Variants in ZNF527 observed in about 807,000 individuals in gnomAD.
The protein encoded by ZNF527 is zinc finger protein 527.
Under a neutral mutation model 13.5 loss-of-function variants are expected in ZNF527, and 5 were observed. The observed-to-expected ratio is 0.37, with a 90% confidence interval of 0.19 to 0.78. The LOEUF is 0.78. Ranked by LOEUF, ZNF527 falls within the 30% of genes least tolerant of loss-of-function variation. The pLI is 0.48. For missense variants in ZNF527, 628 were observed against 726.4 expected (o/e 0.86, Z 1.56); for synonymous variants, 209 against 243.1 (o/e 0.86, Z 1.30).
chr19:37,379,487 A>C (rs2040635209), intron 3 of ZNF527: 2 of 229,164 alleles, frequency 8.7e-6, no homozygotes, highest in Non-Finnish European at 1.5e-5. Context: ...TTTGAGACAG[A>C]GTCTTGCTCT....
intron 4 of ZNF527, chr19:37,385,440 C>G: frequency 2.5e-6 from 1 of 398,430 alleles, no homozygotes. Context: ...GGGAATTTTA[C>G]AAGTCAACCC....
rs2040727056 is a variant in ZNF527 at position 37,389,043 on chromosome 19, T to A, written c.994T>A (p.Cys332Ser). 1 of 1,614,102 alleles carries A rather than the reference T, an allele frequency of 6.2e-7. No individual in the cohort carries two copies. The highest frequency in any genetic ancestry group is 8.5e-7 in the Non-Finnish European group (1 of 1,180,038). The stretch of plus-strand genomic sequence containing the variant: ...TCATATTGGGGAGAAACCTTATGAA[T>A]GTAAGGAATGTAACAAAGCTTTCAG... ...RTHIGEKPYE[C>S]KECNKAFRQS... Residue 332 changes from cysteine to serine, a missense_variant, in exon 5 of 5, where the codon TGT becomes AGT. Cys to Ser is a moderately radical substitution (Grantham distance 112, BLOSUM62 -1). Transcript: ENST00000436120.
intron 4 of ZNF527, among the ~76,000 whole-genome samples, chr19:37,383,443 C>T (rs957110703): frequency 2.6e-5 from 4 of 152,014 alleles, no homozygotes; most frequent in African/African-American, 9.7e-5. Context: ...GCCATGTTGG[C>T]CAGGTTGATC....
rs1214609455 is a variant in ZNF527, at chr19:37,379,313, A to AAT, written c.160+70_160+71dup. ...GGGTGTTTTTGCTTCCTCTGTTGAG[A>AAT]ATATCTAGGACATCTTAAGACATCT... On this transcript the variant is annotated intron_variant, in intron 3 of 4. Transcript: ENST00000436120. 3 of 1,500,916 alleles carry AAT rather than the reference A, an allele frequency of 2.0e-6. No individual in the cohort carries two copies. The African/African-American group carries it at 4.2e-5, about 21-fold the overall frequency. 93.0% of individuals were successfully genotyped at this position (1,500,916 alleles called of 1,614,324 possible). A position where few individuals can be genotyped will look rare whatever the true frequency, so the allele number is the denominator to read the frequency against.
rs1403634904 is a variant in ZNF527 at position 37,388,481 on chromosome 19, G to A, written c.432G>A (p.Glu144=). ...GEFELHQGNA[E]RHFMQVTAVK... is the part of the protein sequence containing the mutation. The stretch of plus-strand genomic sequence containing the variant: ...TTGAGCTACATCAGGGAAATGCGGA[G>A]AGGCATTTCATGCAAGTGACAGCTG... The change falls in exon 5 of 5, where the codon GAG becomes GAA. Residue 144 remains glutamate (E), a synonymous_variant. Transcript: ENST00000436120. 1.2e-6 allele frequency: 2 copies of A among 1,614,118 alleles called. No individual in the cohort carries two copies. Among genetic ancestry groups the A allele is most frequent in the South Asian group, 2.2e-5 (2 of 91,078 alleles).
rs1173295472 is a variant in ZNF527, at chr19:37,389,480, G to C, written c.1431G>C (p.Lys477Asn). 2.5e-6 allele frequency: 4 copies of C among 1,613,858 alleles called. No homozygotes were observed. Among genetic ancestry groups the C allele is most frequent in the Non-Finnish European group, 3.4e-6 (4 of 1,180,010 alleles). Residue 477 changes from lysine to asparagine, a missense_variant, in exon 5 of 5, where the codon AAG (lysine) becomes AAC (asparagine). Coordinates refer to ENST00000436120, the MANE Select transcript of ZNF527 (RefSeq NM_032453.2). ...EKPYECIKCG[K>N]FFRTDSQLNR... ...CCTATGAATGCATCAAATGTGGGAA[G>C]TTTTTTAGGACTGACTCACAACTTA...
rs755957888 is a variant in ZNF527 at position 37,374,186 on chromosome 19, TGAA to T, written c.-8_-6del. ...TTTGTTCTTCTTCAGAAGAGAAAAC[TGAA>T]GAAGGAGGAATGGCTGTGGGGCTTT... On this transcript the variant is annotated 5_prime_UTR_variant, in exon 2 of 5. Coordinates refer to ENST00000436120, the MANE Select transcript of ZNF527 (RefSeq NM_032453.2). 16 of 1,613,802 alleles carry T rather than the reference TGAA, an allele frequency of 9.9e-6. No individual in the cohort carries two copies. The highest frequency in any genetic ancestry group is 2.2e-5 in the South Asian group (2 of 91,074).
chr19:37,389,279 A>G lies in ZNF527; in HGVS notation c.1230A>G (p.Gly410=), dbSNP rs2040729933. The change falls in exon 5 of 5, where the codon GGA becomes GGG. Residue 410 remains glycine (G), a synonymous_variant. Coordinates refer to ENST00000436120, the MANE Select transcript of ZNF527 (RefSeq NM_032453.2). ...ATCAACATCAGAGGATTCACACTGGAGAGAAACCCTATGAATGTAATCAGT... is the reference window on the plus strand; with the variant it reads ...ATCAACATCAGAGGATTCACACTGGGGAGAAACCCTATGAATGTAATCAGT... ...HLNQHQRIHT[G]EKPYECNQCG... The G allele has an allele frequency of 3.7e-6, 6 of 1,614,096 alleles. No individual in the cohort carries two copies. Among genetic ancestry groups the G allele is most frequent in the Admixed American group, 1.7e-5 (1 of 60,016 alleles).
At position 37,389,148 on chromosome 19, in the gene ZNF527, T is replaced by C. The variant is rs1297129120; in HGVS notation, c.1099T>C (p.Phe367Leu). The change falls in exon 5 of 5, where the codon TTT becomes CTT. Residue 367 changes from phenylalanine to leucine, a missense_variant. Phe to Leu is a conservative substitution (Grantham distance 22). Around this residue, in one of 3 missense-constraint regions of ZNF527, gnomAD observed 592 missense variants for 678.0 expected, o/e 0.87. Transcript: ENST00000436120. ...TGCGTGCAATGAATGTGGGAAGGCC[T>C]TTAGCCGTTATGCCTTCCTTGTTGA... ...PFACNECGKA[F>L]SRYAFLVEHQ... is the part of the protein sequence containing the mutation. 6.2e-7 allele frequency: 1 copy of C among 1,614,080 alleles called. No individual in the cohort carries two copies. Among genetic ancestry groups the C allele is most frequent in the Non-Finnish European group, 8.5e-7 (1 of 1,180,042 alleles).
intron 4 of ZNF527, among the ~76,000 whole-genome samples, chr19:37,381,263 C>T (rs549873700): frequency 1.3e-5 from 2 of 152,202 alleles, no homozygotes; most frequent in Admixed American, 6.5e-5. Context: ...ATCCAGTTCC[C>T]GACTTACCAT....
chr19:37,385,542 T>G (rs965373798), intron 4 of ZNF527: 1 of 391,530 alleles, frequency 2.6e-6, no homozygotes, highest in East Asian at 3.6e-5. Flanking sequence ...GTTCTTTTTT[T>G]GTTCATAATT....
rs1370323176 is a variant in ZNF527, at chr19:37,388,963, A to G, written c.914A>G (p.Asn305Ser). 2 of 1,605,932 alleles carry G rather than the reference A, an allele frequency of 1.2e-6. No homozygotes were observed. Among genetic ancestry groups the G allele is most frequent in the Non-Finnish European group, 1.7e-6 (2 of 1,173,280 alleles). ...IHSGEKPYAC[N>S]DCGKAFSHDF... Reference sequence around the variant, plus strand: ...AGTGGAGAAAAACCATATGCATGCAATGACTGTGGAAAAGCCTTTAGCCAC... The same window carrying G: ...AGTGGAGAAAAACCATATGCATGCAGTGACTGTGGAAAAGCCTTTAGCCAC... Residue 305 changes from asparagine (N) to serine (S), a missense_variant, in exon 5 of 5, where the codon AAT (asparagine) becomes AGT (serine). Physicochemically the swap from Asn to Ser is conservative, Grantham distance 46 (BLOSUM62 1). This residue lies in a region of ZNF527 where 592 missense variants were observed against 678.0 expected (regional missense o/e 0.87). Transcript: ENST00000436120.
At chr19:37,387,544 G>C (rs191954855) in intron 4 of ZNF527, among the ~76,000 whole-genome samples, 1 of 152,224 alleles carries the variant, frequency 6.6e-6, no homozygotes, top group Non-Finnish European at 1.5e-5. Flanking sequence ...TGAATATATT[G>C]GCTGATTATT....
intron 3 of ZNF527, chr19:37,380,014 G>A (rs780891298): frequency 6.6e-5 from 24 of 360,990 alleles, no homozygotes; most frequent in African/African-American, 1.9e-4. Context: ...TCTGGGTTGC[G>A]GCCTGAGAAT....
Position 37,389,370 on chromosome 19 carries a change from C to A in ZNF527, c.1321C>A (p.Pro441Thr). 1 of 1,614,142 alleles carries A rather than the reference C, an allele frequency of 6.2e-7. No individual in the cohort carries two copies. Among genetic ancestry groups the A allele is most frequent in the African/African-American group, 1.3e-5 (1 of 75,028 alleles). ...TCAAAGAATTCACACAGGAGAGAAACCCTTCAAATGTAGTGAATGTGGGAA... is the reference window on the plus strand; with the variant it reads ...TCAAAGAATTCACACAGGAGAGAAAACCTTCAAATGTAGTGAATGTGGGAA... ...LHQRIHTGEK[P>T]FKCSECGKTF... The change falls in exon 5 of 5, where the codon CCC becomes ACC. Residue 441 changes from proline (P) to threonine (T), a missense_variant. Pro to Thr is a conservative substitution (Grantham distance 38). This residue lies in a region of ZNF527 where 592 missense variants were observed against 678.0 expected (regional missense o/e 0.87). Coordinates refer to ENST00000436120, the MANE Select transcript of ZNF527 (RefSeq NM_032453.2).
At chr19:37,383,327 C>T (rs1278249429) in intron 4 of ZNF527, among the ~76,000 whole-genome samples, 2 of 151,994 alleles carry the variant, frequency 1.3e-5, no homozygotes, top group Non-Finnish European at 2.9e-5. Context: ...CCTCTGCCTT[C>T]CAGGTACAAG....
At chr19:37,374,760 A>G (rs1205009654) in intron 2 of ZNF527, among the ~76,000 whole-genome samples, 1 of 152,222 alleles carries the variant, frequency 6.6e-6, no homozygotes. Flanking sequence ...GGCCCTTTCA[A>G]GTCATGATCT....
rs1276672656 is a variant in ZNF527 at position 37,389,480 on chromosome 19, GT to G, written c.1437del (p.Phe479LeufsTer33). 2 of 1,613,978 alleles carry G rather than the reference GT, an allele frequency of 1.2e-6. No homozygotes were observed. Among genetic ancestry groups the G allele is most frequent in the East Asian group, 4.5e-5 (2 of 44,840 alleles). On this transcript the variant is annotated frameshift_variant, in exon 5 of 5. Transcript: ENST00000436120. LOFTEE classifies it low-confidence loss of function (END_TRUNC). Reference protein sequence around the residue: ...KPYECIKCGKFFRTDSQLNRH... With the variant: ...KPYECIKCGKXFRTDSQLNRH... ...CCTATGAATGCATCAAATGTGGGAA[GT>G]TTTTTAGGACTGACTCACAACTTAA...
intron 4 of ZNF527, among the ~76,000 whole-genome samples, chr19:37,381,734 T>C (rs1418124246): frequency 3.3e-5 from 5 of 152,226 alleles, no homozygotes; most frequent in Admixed American, 3.3e-4. Flanking sequence ...CTTCAACTAT[T>C]ATTACTGTGG....
Sources: gnomAD v4.1 joint callset for allele counts (sites outside exome capture counted in the v4.1 genomes callset) on GRCh38, gnomAD v4.1.1 for gene constraint, gnomAD v4.1.1 regional missense constraint, MANE v1.5 for transcripts, NCBI Gene and HGNC (gene_info 2026-07-23, HGNC 2026-07-21) for gene names.